The following NBAS variants were observed in gnomAD, a reference collection of about 807,000 sequenced individuals.
NBAS encodes the protein NBAS subunit of NRZ tethering complex.
In NBAS, 219 loss-of-function variants were observed where a neutral mutation model predicts 302.5. The observed-to-expected ratio is 0.72, with a 90% CI of 0.65 to 0.81. NBAS has a LOEUF of 0.81. Among genes scored for constraint, NBAS ranks in the 30% least tolerant of loss-of-function variants. The pLI, the probability that NBAS is intolerant of heterozygous loss-of-function variation, is 0.00. For missense variants in NBAS, 2,932 were observed against 2,841.6 expected (o/e 1.03, Z -0.72); for synonymous variants, 1,118 against 1,021.6 (o/e 1.09, Z -1.80).
intron 47 of NBAS, among the ~76,000 whole-genome samples, chr2:15,219,314 T>C (rs1184330494): frequency 6.1e-5 from 9 of 147,862 alleles, no homozygotes. Context: ...TTTTTTTTTT[T>C]TCTTTTCTTT....
the NBAS span, among the ~76,000 whole-genome samples, chr2:15,062,997 T>C: frequency 1.3e-5 from 2 of 152,208 alleles, no homozygotes; most frequent in South Asian, 4.1e-4. Context: ...CATCTAGCTA[T>C]GGCTTGTTGG....
chr2:14,976,850 T>C, the NBAS span, among the ~76,000 whole-genome samples: 1 of 152,168 alleles, frequency 6.6e-6, no homozygotes, highest in Non-Finnish European at 1.5e-5. Context: ...CACCAGAAAC[T>C]GGAAGAGGCA....
chr2:15,116,200 T>A, the NBAS span, among the ~76,000 whole-genome samples: 1 of 152,192 alleles, frequency 6.6e-6, no homozygotes, highest in African/African-American at 2.4e-5. Context: ...GATGGGGATA[T>A]TGACCCCAGC....
the NBAS span, among the ~76,000 whole-genome samples, chr2:15,015,164 A>AAG: frequency 6.6e-6 from 1 of 151,600 alleles, no homozygotes; most frequent in Admixed American, 6.6e-5. Context: ...AAAAAAAAAA[A>AAG]TCCAGGATTG....
intron 44 of NBAS, among the ~76,000 whole-genome samples, chr2:15,261,258 C>A (rs551177458): frequency 2.6e-5 from 4 of 152,308 alleles, no homozygotes; most frequent in Admixed American, 6.5e-5. Context: ...TGGACCCCCA[C>A]TTAGTCATTC....
chr2:15,500,681 A>C (rs1661481472), intron 11 of NBAS, among the ~76,000 whole-genome samples: 1 of 152,048 alleles, frequency 6.6e-6, no homozygotes, highest in Admixed American at 6.5e-5. Flanking sequence ...CACGCCTGTA[A>C]TCCCAGCACT....
Position 15,287,593 on chromosome 2 carries a change from G to A in NBAS, c.5028-410C>T, listed in dbSNP as rs114784487. On this transcript the variant is annotated intron_variant, in intron 41 of 51. Coordinates refer to ENST00000281513, the MANE Select transcript of NBAS (RefSeq NM_015909.4). Reference sequence around the variant, plus strand: ...ACACAGGCATCCCGGGCAGCCCTGCGTGGGCATCTCCCAGTAGGCATCCCG... The same window carrying A: ...ACACAGGCATCCCGGGCAGCCCTGCATGGGCATCTCCCAGTAGGCATCCCG... Among the ~76,000 whole-genome samples, 403 of 152,050 alleles carry A rather than the reference G, an allele frequency of 2.7e-3. 2 individuals carry two copies. The highest frequency in any genetic ancestry group is 0.01 in the Middle Eastern group (3 of 288).
chr2:15,129,363 T>C, the NBAS span, among the ~76,000 whole-genome samples: 1 of 152,178 alleles, frequency 6.6e-6, no homozygotes, highest in Non-Finnish European at 1.5e-5. Context: ...AGGCTCACTG[T>C]GCTCCTCCTT....
At chr2:15,010,582 C>A in the NBAS span, among the ~76,000 whole-genome samples, 4 of 152,148 alleles carry the variant, frequency 2.6e-5, no homozygotes, top group South Asian at 8.3e-4. Context: ...AGTGAAACCA[C>A]CTTTGAGCAC....
chr2:14,867,442 G>A, the NBAS span, among the ~76,000 whole-genome samples: 37,825 of 152,036 alleles, frequency 0.25, 5,339 homozygotes, highest in East Asian at 0.38. Flanking sequence ...ATATATAAAT[G>A]TTCTACCTCA....
intron 32 of NBAS, among the ~76,000 whole-genome samples, chr2:15,359,619 T>C (rs925322849): frequency 1.3e-5 from 2 of 152,174 alleles, no homozygotes; most frequent in African/African-American, 2.4e-5. Context: ...ATATAGGTTT[T>C]CGTTGCCCTT....
chr2:15,548,920 T>C (rs991636532), intron 6 of NBAS, among the ~76,000 whole-genome samples: 13 of 152,248 alleles, frequency 8.5e-5, no homozygotes, highest in Admixed American at 7.2e-4. Flanking sequence ...ATAAGACATA[T>C]AGCAGGAGAC....
chr2:15,125,929 T>A, the NBAS span, among the ~76,000 whole-genome samples: 1 of 152,148 alleles, frequency 6.6e-6, no homozygotes, highest in South Asian at 2.1e-4. Context: ...AAGGGATGAT[T>A]GTATTTTGCC....
chr2:14,799,042 G>T, the NBAS span, among the ~76,000 whole-genome samples: 1 of 151,756 alleles, frequency 6.6e-6, no homozygotes, highest in East Asian at 1.9e-4. Flanking sequence ...TCTCATATTT[G>T]CTATTTTATT....
At chr2:15,015,952 T>C in the NBAS span, among the ~76,000 whole-genome samples, 2 of 151,854 alleles carry the variant, frequency 1.3e-5, no homozygotes, top group Admixed American at 6.6e-5. Flanking sequence ...AAAATCAACA[T>C]ACAAAACTTA....
intron 9 of NBAS, among the ~76,000 whole-genome samples, chr2:15,521,789 C>CTCAAA: frequency 6.6e-6 from 1 of 152,250 alleles, no homozygotes; most frequent in Non-Finnish European, 1.5e-5. Flanking sequence ...ACTCCAGCCC[C>CTCAAA]TCAAATCAAA....
At chr2:15,426,883 A>G (rs1475293395) in intron 22 of NBAS, among the ~76,000 whole-genome samples, 1 of 152,136 alleles carries the variant, frequency 6.6e-6, no homozygotes, top group Non-Finnish European at 1.5e-5. Flanking sequence ...TTTGAGGGCC[A>G]TATCTCAGTA....
chr2:15,047,865 T>C, the NBAS span, among the ~76,000 whole-genome samples: 8 of 152,258 alleles, frequency 5.3e-5, no homozygotes, highest in South Asian at 1.7e-3. Context: ...ACCTAACTTC[T>C]CTGCCTTGGG....
chr2:15,418,451 T>C (rs918978958), intron 23 of NBAS, among the ~76,000 whole-genome samples: 6 of 152,348 alleles, frequency 3.9e-5, no homozygotes, highest in African/African-American at 1.4e-4. Flanking sequence ...CATGAGGACC[T>C]ACTAGAAGCT....
Sources: gnomAD v4.1 joint callset for allele counts (sites outside exome capture counted in the v4.1 genomes callset) on GRCh38, gnomAD v4.1.1 for gene constraint, MANE v1.5 for transcripts, NCBI Gene and HGNC (gene_info 2026-07-23, HGNC 2026-07-21) for gene names.